Variants in RGS7 observed in about 807,000 individuals in gnomAD.
The protein encoded by RGS7 is regulator of G-protein signaling 7.
In RGS7, 27 loss-of-function variants were observed where a neutral mutation model predicts 81.1. The observed-to-expected ratio is 0.33, with a 90% CI of 0.25 to 0.46. The LOEUF (loss-of-function observed/expected upper bound fraction) is 0.46, where lower values mean the gene tolerates loss of function less well. Ranked by LOEUF, RGS7 falls within the 20% of genes least tolerant of loss-of-function variation. RGS7 has a pLI of 1.00. For missense variants in RGS7, 396 were observed against 607.4 expected, an observed-to-expected ratio of 0.65 and a Z score of 3.66; for synonymous variants, 208 against 207.7, an observed-to-expected ratio of 1.00 and a Z score of -0.01.
chr1:241,004,123 A>T (rs541460157), intron 3 of RGS7, among the ~76,000 whole-genome samples: 1 of 152,234 alleles, frequency 6.6e-6, no homozygotes, highest in Non-Finnish European at 1.5e-5. Flanking sequence ...CCGCCTACTA[A>T]GGCAAGCTGT....
At chr1:241,314,975 A>C (rs2080776152) in intron 2 of RGS7, among the ~76,000 whole-genome samples, 1 of 152,084 alleles carries the variant, frequency 6.6e-6, no homozygotes, top group Non-Finnish European at 1.5e-5. Flanking sequence ...GTCAAGATAT[A>C]TTTTAAAGTT....
chr1:240,789,680 A>G (rs1685656970), intron 18 of RGS7, among the ~76,000 whole-genome samples: 1 of 152,150 alleles, frequency 6.6e-6, no homozygotes, highest in Non-Finnish European at 1.5e-5. Flanking sequence ...TGCCTAATAA[A>G]TTTTGGTCAG....
chr1:240,976,695 T>G (rs1165678997), intron 4 of RGS7, among the ~76,000 whole-genome samples: 1 of 152,130 alleles, frequency 6.6e-6, no homozygotes, highest in East Asian at 1.9e-4. Context: ...GTACCAGTTC[T>G]CAAAATTGTG....
chr1:240,999,431 G>A (rs527909768), intron 3 of RGS7, among the ~76,000 whole-genome samples: 1 of 151,974 alleles, frequency 6.6e-6, no homozygotes, highest in Non-Finnish European at 1.5e-5. Flanking sequence ...ATTGCTTTTG[G>A]GCCATATTCA....
rs181622380 is a variant in RGS7, at chr1:241,143,939, A to C, written c.79-45177T>G. On this transcript the variant is annotated intron_variant, in intron 2 of 18. Coordinates refer to ENST00000440928, the MANE Select transcript of RGS7 (RefSeq NM_001364886.1). ...AGCGAGAAGGAACCATCTGTGAACC[A>C]GAGAATGAAACCTCACTGGTGACTA... 1.1e-3 allele frequency among the ~76,000 whole-genome samples: 172 copies of C among 152,284 alleles called. 1 individual carries two copies. Among genetic ancestry groups the C allele is most frequent in the African/African-American group, 4.0e-3 (167 of 41,560 alleles).
chr1:240,789,268 C>A (rs1470855640), intron 18 of RGS7, among the ~76,000 whole-genome samples: 7 of 152,170 alleles, frequency 4.6e-5, no homozygotes, highest in Non-Finnish European at 1.0e-4. Flanking sequence ...TCTTCATAAG[C>A]TGAGGAGGAT....
intron 6 of RGS7, among the ~76,000 whole-genome samples, chr1:240,902,928 T>C (rs1307027054): frequency 2.0e-5 from 3 of 152,228 alleles, no homozygotes; most frequent in Non-Finnish European, 4.4e-5. Flanking sequence ...ATTTTAGAAA[T>C]GCTAATAATT....
chr1:241,158,484 C>T (rs892179841), intron 2 of RGS7, among the ~76,000 whole-genome samples: 1 of 152,220 alleles, frequency 6.6e-6, no homozygotes, highest in African/African-American at 2.4e-5. Context: ...CAAGCGCTAT[C>T]TTTCTTCACA....
chr1:241,192,142 T>C (rs1332338427), intron 2 of RGS7, among the ~76,000 whole-genome samples: 1 of 147,468 alleles, frequency 6.8e-6, no homozygotes, highest in Admixed American at 6.8e-5. Context: ...TTCCTGATCA[T>C]TTGGCTAGAG....
chr1:241,058,778 G>A (rs2061601482), intron 3 of RGS7, among the ~76,000 whole-genome samples: 1 of 152,214 alleles, frequency 6.6e-6, no homozygotes, highest in Non-Finnish European at 1.5e-5. Flanking sequence ...ATGATGAGGA[G>A]TTGGGATGGA....
intron 9 of RGS7, among the ~76,000 whole-genome samples, chr1:240,849,067 T>C (rs548716620): frequency 7.2e-5 from 11 of 152,304 alleles, no homozygotes; most frequent in African/African-American, 2.4e-4. Flanking sequence ...CTCGCTAGCA[T>C]ATTTCAATGA....
At chr1:240,785,472 G>C (rs1010445667) in intron 18 of RGS7, among the ~76,000 whole-genome samples, 3 of 152,146 alleles carry the variant, frequency 2.0e-5, no homozygotes, top group Non-Finnish European at 4.4e-5. Context: ...AAGTCATCTG[G>C]CCTGATGAAG....
intron 2 of RGS7, among the ~76,000 whole-genome samples, chr1:241,239,330 G>C (rs1158737775): frequency 6.6e-6 from 1 of 151,908 alleles, no homozygotes; most frequent in African/African-American, 2.4e-5. Context: ...AACCTCTTTG[G>C]TTCTAATCTA....
rs772399469 is a variant in RGS7 at position 240,930,767 on chromosome 1, G to C, written c.335C>G (p.Thr112Ser). 6.2e-7 allele frequency: 1 copy of C among 1,613,744 alleles called. No individual in the cohort carries two copies. The highest frequency in any genetic ancestry group is 1.3e-5 in the African/African-American group (1 of 74,904). The part of the protein sequence containing the change: ...KDDGTFYRFQ[T>S]PYFWPSNCWE... ...ACAATTTGATGGCCAAAAATAGGGGGTCTGCGGAATGAAAAGAAGTGGAAC... is the reference window on the plus strand; with the variant it reads ...ACAATTTGATGGCCAAAAATAGGGGCTCTGCGGAATGAAAAGAAGTGGAAC... The change falls in exon 6 of 19, where the codon ACC (threonine) becomes AGC (serine). Residue 112 changes from threonine to serine, a missense_variant and splice_region_variant. Thr to Ser is a moderately conservative substitution (Grantham distance 58). Transcript: ENST00000440928.
In RGS7 at chr1:240,948,019, C is replaced by A. The variant is rs985762435; in HGVS notation, c.227-11313G>T. Among the ~76,000 whole-genome samples, 13 of 152,320 alleles carry A rather than the reference C, an allele frequency of 8.5e-5. No individual in the cohort carries two copies. In the South Asian group the frequency reaches 2.7e-3, roughly 32 times the overall value. ...CCCTTCCTCCAGAGAGCAGAACACCCCACTTCCTTCCTTCAGTTGGATTCT... is the reference window on the plus strand; with the variant it reads ...CCCTTCCTCCAGAGAGCAGAACACCACACTTCCTTCCTTCAGTTGGATTCT... On this transcript the variant is annotated intron_variant, in intron 4 of 18. Coordinates refer to ENST00000440928, the MANE Select transcript of RGS7 (RefSeq NM_001364886.1).
At chr1:241,093,590 A>T (rs1415799212) in intron 3 of RGS7, among the ~76,000 whole-genome samples, 1 of 152,226 alleles carries the variant, frequency 6.6e-6, no homozygotes. Context: ...AAAAATACAT[A>T]TTTCTATAAC....
At chr1:240,941,181 G>C (rs889677481) in intron 4 of RGS7, among the ~76,000 whole-genome samples, 1 of 152,258 alleles carries the variant, frequency 6.6e-6, no homozygotes, top group East Asian at 1.9e-4. Flanking sequence ...ATTTCTATGT[G>C]AGTCACACAC....
chr1:241,092,650 C>A (rs1480490946), intron 3 of RGS7, among the ~76,000 whole-genome samples: 2 of 152,132 alleles, frequency 1.3e-5, no homozygotes, highest in African/African-American at 4.8e-5. Flanking sequence ...TGAACTTCAT[C>A]TTTTTCTATT....
chr1:241,201,617 CT>C (rs201522594), intron 2 of RGS7, among the ~76,000 whole-genome samples: 6 of 151,984 alleles, frequency 3.9e-5, no homozygotes, highest in Non-Finnish European at 8.8e-5. Context: ...ACCAACACCA[CT>C]TTTTTTTAAT....
Sources: allele counts gnomAD v4.1 joint callset (sites outside exome capture counted in the v4.1 genomes callset), GRCh38; gene constraint gnomAD v4.1.1; transcripts MANE v1.5; gene names NCBI Gene and HGNC (gene_info 2026-07-23, HGNC 2026-07-21).